WWC1: variants seen among roughly 807,000 people sequenced by gnomAD.
WWC1 encodes the protein WW and C2 domain containing 1.
Under a neutral mutation model 138.4 loss-of-function variants are expected in WWC1, and 55 were observed. The ratio of observed to expected loss-of-function variants is 0.40; its 90% CI spans 0.32 to 0.50. WWC1 has a LOEUF of 0.50. WWC1 is among the 20% of genes least tolerant of loss of function. The pLI, the probability that WWC1 is intolerant of heterozygous loss-of-function variation, is 0.72. For missense variants in WWC1, 1,226 were observed against 1,420.4 expected (o/e 0.86, Z 2.20); for synonymous variants, 524 against 564.9 (o/e 0.93, Z 1.03).
chr5:168,367,593 A>T (rs1006207697), intron 1 of WWC1, among the ~76,000 whole-genome samples: 4 of 152,168 alleles, frequency 2.6e-5, no homozygotes. Flanking sequence ...TGCTGGGATT[A>T]CAGGCATGAG....
chr5:168,294,394 A>C (rs1401540206), intron 1 of WWC1, among the ~76,000 whole-genome samples: 1 of 152,098 alleles, frequency 6.6e-6, no homozygotes. Flanking sequence ...ATTGTCATAC[A>C]GGGGAAACAA....
In WWC1 at chr5:168,430,182, G is replaced by A. The variant is rs1485818618; in HGVS notation, c.2046G>A (p.Leu682=). The change falls in exon 14 of 23, where the codon CTG becomes CTA. Residue 682 remains leucine (L), a synonymous_variant. Coordinates refer to ENST00000265293, the MANE Select transcript of WWC1 (RefSeq NM_015238.3). ...NKQFAILIIQ[L]SNLSALLQQQ... ...AATTTGCAATATTAATCATCCAGCT[G>A]AGTAACCTTTCTGCTCTGTTGCAGC... 6.2e-7 allele frequency: 1 copy of A among 1,614,122 alleles called. No homozygotes were observed. The highest frequency in any genetic ancestry group is 8.5e-7 in the Non-Finnish European group (1 of 1,179,990).
At position 168,424,048 on chromosome 5, in the gene WWC1, A is replaced by C. The variant is rs1467282248; in HGVS notation, c.1790A>C (p.Glu597Ala). 6.2e-7 allele frequency: 1 copy of C among 1,604,158 alleles called. No homozygotes were observed. Among genetic ancestry groups the C allele is most frequent in the Non-Finnish European group, 8.5e-7 (1 of 1,175,084 alleles). The change falls in exon 11 of 23, where the codon GAG (glutamate) becomes GCG (alanine). Residue 597 changes from glutamate to alanine, a missense_variant. By Grantham distance (107) the Glu-to-Ala change is moderately radical (BLOSUM62 -1). This residue lies in a region of WWC1 where 1,016 missense variants were observed against 1,153.9 expected (regional missense o/e 0.88). Coordinates refer to ENST00000265293, the MANE Select transcript of WWC1 (RefSeq NM_015238.3). Reference protein sequence around the residue: ...ERYRLEEPGTEGKQLGQAVNT... With the variant: ...ERYRLEEPGTAGKQLGQAVNT... ...TACCGGCTGGAGGAACCAGGAACGGAGGGCAAGCAGCTGGGCCAAGGTAGA... is the reference window on the plus strand; with the variant it reads ...TACCGGCTGGAGGAACCAGGAACGGCGGGCAAGCAGCTGGGCCAAGGTAGA...
intron 1 of WWC1, among the ~76,000 whole-genome samples, chr5:168,322,438 G>A (rs72822620): frequency 0.16 from 23,949 of 152,140 alleles, 2,013 homozygotes; most frequent in African/African-American, 0.18. Flanking sequence ...CTGTGTCTCA[G>A]TAGAAACCTT....
chr5:168,391,760 C>CATATATATATATATATAT (rs70976481), intron 3 of WWC1, among the ~76,000 whole-genome samples: 7 of 110,564 alleles, frequency 6.3e-5, no homozygotes, highest in Non-Finnish European at 7.2e-5. Flanking sequence ...ATTTTTAAGG[C>CATATATATATATATATAT]ATATATATAT....
At chr5:168,402,574 A>G (rs1380871789) in intron 5 of WWC1, among the ~76,000 whole-genome samples, 2 of 152,142 alleles carry the variant, frequency 1.3e-5, no homozygotes, top group Non-Finnish European at 2.9e-5. Flanking sequence ...TGGGCTAGAC[A>G]GTGTGCTGGG....
chr5:168,439,500 G>T (rs1754560153), intron 15 of WWC1, among the ~76,000 whole-genome samples: 1 of 151,630 alleles, frequency 6.6e-6, no homozygotes, highest in South Asian at 2.1e-4. Flanking sequence ...AGGCGTGGTG[G>T]CACTTAATCC....
chr5:168,389,597 G>GTTTTTTTTTTTTTTTTTT (rs55873477), intron 3 of WWC1, among the ~76,000 whole-genome samples: 3 of 129,332 alleles, frequency 2.3e-5, no homozygotes, highest in Non-Finnish European at 3.2e-5. Flanking sequence ...TTGAATTTTT[G>GTTTTTTTTTTTTTTTTTT]TTTTTTTTTT....
chr5:168,362,963 A>G (rs1306214400), intron 1 of WWC1, among the ~76,000 whole-genome samples: 1 of 152,200 alleles, frequency 6.6e-6, no homozygotes. Context: ...TTTCTATAAA[A>G]GAATTTTAGG....
At chr5:168,332,961 A>G (rs927749552) in intron 1 of WWC1, among the ~76,000 whole-genome samples, 4 of 152,076 alleles carry the variant, frequency 2.6e-5, no homozygotes, top group African/African-American at 9.7e-5. Context: ...TACCCTCCTC[A>G]GCCTCCCAAA....
At chr5:168,406,353 T>G (rs1561717585) in intron 6 of WWC1, 26 bp downstream of exon 6, 1 of 1,612,162 alleles carries the variant, frequency 6.2e-7, no homozygotes, top group Admixed American at 1.7e-5. Flanking sequence ...TTGATGTGGG[T>G]GCCATCTTGA....
At chr5:168,454,848 T>G (rs1701384163) in intron 18 of WWC1, among the ~76,000 whole-genome samples, 1 of 152,228 alleles carries the variant, frequency 6.6e-6, no homozygotes, top group African/African-American at 2.4e-5. Flanking sequence ...TGTTTTTGTT[T>G]GTTTATGTTT....
chr5:168,386,377 C>CTTTTTTT (rs59691686), intron 3 of WWC1, among the ~76,000 whole-genome samples: 1 of 143,932 alleles, frequency 6.9e-6, no homozygotes. Context: ...TCCCCTTGTT[C>CTTTTTTT]TTTTTTTTTT....
intron 1 of WWC1, among the ~76,000 whole-genome samples, chr5:168,303,262 C>T (rs1430304524): frequency 6.6e-6 from 1 of 152,124 alleles, no homozygotes; most frequent in Non-Finnish European, 1.5e-5. Context: ...AAAGCCTGAC[C>T]AGTAGCAAAA....
At position 168,293,616 on chromosome 5, in the gene WWC1, T is replaced by G. The variant is rs78493804; in HGVS notation, c.119+1345T>G. Among the ~76,000 whole-genome samples, 5 of 152,232 alleles carry G rather than the reference T, an allele frequency of 3.3e-5. No individual in the cohort carries two copies. The East Asian group carries it at 9.7e-4, about 29-fold the overall frequency. On this transcript the variant is annotated intron_variant, in intron 1 of 22. Transcript: ENST00000265293. ...GGTAAATATTTAGTGCTAGAGAGCA[T>G]CTCTTAGGCAAGCTGCTTCAACCTC...
At chr5:168,424,474 TA>T (rs1188750337) in intron 11 of WWC1, among the ~76,000 whole-genome samples, 1 of 152,196 alleles carries the variant, frequency 6.6e-6, no homozygotes, top group East Asian at 1.9e-4. Flanking sequence ...GCACAGGGAA[TA>T]AACCTGCAAC....
chr5:168,431,151 C>G (rs775031529), intron 14 of WWC1, 101 bp from the exon 15 acceptor site: 1 of 1,040,294 alleles, frequency 9.6e-7, no homozygotes. Context: ...AAACTCTCAT[C>G]CACTGTTGTT....
chr5:168,312,397 G>A (rs1209900634), intron 1 of WWC1, among the ~76,000 whole-genome samples: 4 of 152,196 alleles, frequency 2.6e-5, no homozygotes, highest in Admixed American at 2.0e-4. Flanking sequence ...GCCCAAGGTC[G>A]CACAGCTAGA....
In WWC1 at chr5:168,441,752, T is replaced by C. The variant is rs1228206365; in HGVS notation, c.2351T>C (p.Leu784Pro). 6.2e-7 allele frequency: 1 copy of C among 1,614,176 alleles called. No homozygotes were observed. The highest frequency in any genetic ancestry group is 1.1e-5 in the South Asian group (1 of 91,082). ...GERSTRWYNLLSYKYLKKQSR... is the reference protein window; with the variant it reads ...GERSTRWYNLPSYKYLKKQSR... The stretch of plus-strand genomic sequence containing the variant: ...AGGTCGACTCGCTGGTACAACCTTC[T>C]CAGCTACAAATACTTGAAGAAACAG... The change falls in exon 16 of 23, where the codon CTC becomes CCC. Residue 784 changes from leucine (L) to proline (P), a missense_variant. Transcript: ENST00000265293.
Sources: gnomAD v4.1 joint callset for allele counts (sites outside exome capture counted in the v4.1 genomes callset) on GRCh38, gnomAD v4.1.1 for gene constraint, gnomAD v4.1.1 regional missense constraint, MANE v1.5 for transcripts, NCBI Gene and HGNC (gene_info 2026-07-23, HGNC 2026-07-21) for gene names.